The following NCKAP5 variants were observed in gnomAD, a reference collection of about 807,000 sequenced individuals.
NCKAP5 encodes nck-associated protein 5.
Under a neutral mutation model 167.0 loss-of-function variants are expected in NCKAP5, and 92 were observed. The ratio of observed to expected loss-of-function variants is 0.55; its 90% CI spans 0.47 to 0.66. NCKAP5 has a LOEUF of 0.66. NCKAP5 is among the 30% of genes least tolerant of loss of function. The pLI is 0.00. For missense variants in NCKAP5, 2,378 were observed against 2,315.0 expected (o/e 1.03, Z -0.56); for synonymous variants, 891 against 877.4 (o/e 1.02, Z -0.27).
chr2:132,906,738 A>C (rs1042654247), intron 8 of NCKAP5, among the ~76,000 whole-genome samples: 1 of 152,248 alleles, frequency 6.6e-6, no homozygotes, highest in Non-Finnish European at 1.5e-5. Flanking sequence ...GCCAGCAAAC[A>C]TAAAACATGG....
intron 6 of NCKAP5, among the ~76,000 whole-genome samples, chr2:133,008,142 G>A (rs1001264322): frequency 6.6e-6 from 1 of 152,062 alleles, no homozygotes; most frequent in African/African-American, 2.4e-5. Context: ...ATTCAAGCAG[G>A]GCAAGTAAGT....
intron 16 of NCKAP5, among the ~76,000 whole-genome samples, chr2:132,767,780 TC>T (rs1291948694): frequency 5.3e-5 from 8 of 152,254 alleles, no homozygotes; most frequent in Non-Finnish European, 2.9e-5. Context: ...GCACCTATTG[TC>T]CCTCTGCATG....
At chr2:133,640,887 T>C in the NCKAP5 span, among the ~76,000 whole-genome samples, 1 of 152,232 alleles carries the variant, frequency 6.6e-6, no homozygotes, top group Non-Finnish European at 1.5e-5. Flanking sequence ...ACTAGGGATG[T>C]GAAGACAGAT....
At chr2:133,240,954 A>G (rs1328652789) in intron 4 of NCKAP5, among the ~76,000 whole-genome samples, 1 of 152,194 alleles carries the variant, frequency 6.6e-6, no homozygotes, top group Admixed American at 6.5e-5. Flanking sequence ...AAGAAAAAAC[A>G]ATTTTGCTAA....
chr2:133,371,666 T>C (rs945063864), intron 3 of NCKAP5, among the ~76,000 whole-genome samples: 1 of 152,234 alleles, frequency 6.6e-6, no homozygotes, highest in African/African-American at 2.4e-5. Context: ...GTACATCCTC[T>C]GTTTTGTTAC....
chr2:133,525,762 A>T (rs1215097440), intron 2 of NCKAP5, among the ~76,000 whole-genome samples: 3 of 152,092 alleles, frequency 2.0e-5, no homozygotes, highest in Non-Finnish European at 4.4e-5. Context: ...GACACAAAGA[A>T]GTTTCCTCAT....
At chr2:132,988,603 T>G (rs77273888) in intron 7 of NCKAP5, among the ~76,000 whole-genome samples, 1,977 of 152,308 alleles carry the variant, frequency 0.013, 27 homozygotes, top group Non-Finnish European at 0.022. Flanking sequence ...GCCACTGAGC[T>G]GTGGCTGCTT....
At chr2:133,486,430 C>A (rs1680913978) in intron 3 of NCKAP5, among the ~76,000 whole-genome samples, 1 of 152,160 alleles carries the variant, frequency 6.6e-6, no homozygotes, top group African/African-American at 2.4e-5. Context: ...AAATCTCAAA[C>A]CCCCATGCAG....
chr2:132,862,547 C>G (rs1689993609), intron 10 of NCKAP5, among the ~76,000 whole-genome samples: 2 of 152,112 alleles, frequency 1.3e-5, no homozygotes, highest in African/African-American at 4.8e-5. Context: ...CCACTCACTG[C>G]TCAAATTAAA....
chr2:133,157,711 C>T (rs141430617), intron 5 of NCKAP5, among the ~76,000 whole-genome samples: 246 of 143,248 alleles, frequency 1.7e-3, no homozygotes, highest in African/African-American at 6.3e-3. Flanking sequence ...CTTTGAGAAA[C>T]GCTGGGATAG....
At chr2:132,942,491 C>A (rs1438636428) in intron 8 of NCKAP5, among the ~76,000 whole-genome samples, 1 of 152,078 alleles carries the variant, frequency 6.6e-6, no homozygotes, top group African/African-American at 2.4e-5. Flanking sequence ...TTGCATTTTG[C>A]TGTAATTTTT....
chr2:132,927,447 C>T (rs1323215200), intron 8 of NCKAP5, among the ~76,000 whole-genome samples: 2 of 151,894 alleles, frequency 1.3e-5, no homozygotes, highest in African/African-American at 4.8e-5. Context: ...ATACAGATTG[C>T]TTTAGGCAGT....
At chr2:133,189,546 G>T (rs1304651548) in intron 5 of NCKAP5, among the ~76,000 whole-genome samples, 1 of 152,058 alleles carries the variant, frequency 6.6e-6, no homozygotes, top group Admixed American at 6.6e-5. Context: ...GAAAATACTG[G>T]CAAACCAAAT....
At chr2:133,005,944 T>C (rs141745113) in intron 6 of NCKAP5, among the ~76,000 whole-genome samples, 125 of 152,236 alleles carry the variant, frequency 8.2e-4, no homozygotes, top group African/African-American at 2.9e-3. Flanking sequence ...AAAAATAAAA[T>C]ATGGCCTGGA....
intron 6 of NCKAP5, among the ~76,000 whole-genome samples, chr2:133,027,141 C>A (rs115532958): frequency 0.028 from 4,273 of 152,256 alleles, 170 homozygotes; most frequent in African/African-American, 0.095. Flanking sequence ...TACCTACTTC[C>A]CCCATGACCT....
intron 6 of NCKAP5, chr2:133,116,930 A>G (rs1378683538): frequency 6.6e-6 from 1 of 152,350 alleles, no homozygotes; most frequent in African/African-American, 2.4e-5. Flanking sequence ...CCAGTGCTCA[A>G]TAATATTAGC....
intron 16 of NCKAP5, among the ~76,000 whole-genome samples, chr2:132,748,819 T>TGTCA (rs1679868640): frequency 6.6e-6 from 1 of 152,124 alleles, no homozygotes; most frequent in Non-Finnish European, 1.5e-5. Flanking sequence ...ATTCTCACTC[T>TGTCA]GTCACTCAGG....
chr2:133,109,423 A>G (rs554410947), intron 6 of NCKAP5, among the ~76,000 whole-genome samples: 29 of 152,334 alleles, frequency 1.9e-4, no homozygotes, highest in African/African-American at 6.0e-4. Context: ...TCTTCAAGAG[A>G]GTTATGAGAA....
intron 13 of NCKAP5, 36 bp downstream of exon 13, chr2:132,789,987 T>C: frequency 6.4e-7 from 1 of 1,565,514 alleles, no homozygotes; most frequent in Non-Finnish European, 8.7e-7. Context: ...AGAAGAGGAT[T>C]CTTTTCTGGT....
Sources: gnomAD v4.1 joint callset for allele counts (sites outside exome capture counted in the v4.1 genomes callset) on GRCh38, gnomAD v4.1.1 for gene constraint, MANE v1.5 for transcripts, NCBI Gene and HGNC (gene_info 2026-07-23, HGNC 2026-07-21) for gene names.